The following PRH1 variants were observed in gnomAD, a reference collection of about 807,000 sequenced individuals.
PRH1 encodes the protein proline rich protein HaeIII subfamily 1, also known as salivary acidic proline-rich phosphoprotein 1/2.
Under a neutral mutation model 7.9 loss-of-function variants are expected in PRH1, and 7 were observed. The observed-to-expected ratio is 0.89, with a 90% CI of 0.50 to 1.67. The LOEUF is 1.67. Among genes scored for constraint, PRH1 ranks in the 40% most tolerant of loss-of-function variants. The pLI is 0.00. For missense variants in PRH1, 109 were observed against 223.6 expected (o/e 0.49, Z 3.27); for synonymous variants, 45 against 80.8 (o/e 0.56, Z 2.38).
intron 1 of PRH1, among the ~76,000 whole-genome samples, chr12:11,006,452 G>A (rs912877198): frequency 2.8e-5 from 4 of 145,120 alleles, no homozygotes; most frequent in South Asian, 2.1e-4. Flanking sequence ...ATACCTCGCC[G>A]TAGTCTTGAA....
chr12:11,078,016 T>C (rs1380691823), intron 1 of PRH1: 22 of 720,026 alleles, frequency 3.1e-5, no homozygotes, highest in Non-Finnish European at 4.7e-5. Context: ...TTCTGAACTA[T>C]ATAAAGCTGA....
intron 1 of PRH1, among the ~76,000 whole-genome samples, chr12:11,069,988 T>C (rs1277584101): frequency 6.6e-6 from 1 of 152,144 alleles, no homozygotes; most frequent in East Asian, 1.9e-4. Flanking sequence ...CACACATCCA[T>C]ACCATCTGAG....
chr12:11,001,204 C>T (rs1420418361), intron 1 of PRH1, among the ~76,000 whole-genome samples: 1 of 151,952 alleles, frequency 6.6e-6, no homozygotes, highest in Non-Finnish European at 1.5e-5. Flanking sequence ...GTCTTCACCA[C>T]AAACTCTCCC....
At chr12:11,006,036 T>C (rs1486109251) in intron 1 of PRH1, 1 of 152,120 alleles carries the variant, frequency 6.6e-6, no homozygotes, top group African/African-American at 2.4e-5. Context: ...TCTTGTTTTT[T>C]ACTTCTTTTT....
intron 1 of PRH1, chr12:10,985,941 G>T (rs756906704): frequency 6.3e-7 from 1 of 1,583,570 alleles, no homozygotes; most frequent in Non-Finnish European, 8.6e-7. Flanking sequence ...CTAGAGAGTT[G>T]AGAGTTTCAG....
At chr12:10,938,895 T>C in intron 2 of PRH1, 1 of 1,613,944 alleles carries the variant, frequency 6.2e-7, no homozygotes, top group Non-Finnish European at 8.5e-7. Flanking sequence ...AAATAAAAAG[T>C]ACCGAGGCCT....
rs146621314 is a variant in PRH1 at position 11,088,625 on chromosome 12, T to C, written n.124-41437A>G. 8.8e-5 allele frequency among the ~76,000 whole-genome samples: 10 copies of C among 113,250 alleles called. 2 individuals are homozygous for C. Among genetic ancestry groups the C allele is most frequent in the Admixed American group, 8.1e-4 (9 of 11,106 alleles). 74.3% of individuals were successfully genotyped at this position (113,250 alleles called of 152,430 possible). ...AGAGACCCAGTATTTTGGGGGCCTA[T>C]TGGGATTTTGGAGACAACATATTCC... On this transcript the variant is annotated intron_variant and non_coding_transcript_variant, in intron 1 of 4. Transcript: ENST00000541977.
intron 2 of PRH1, among the ~76,000 whole-genome samples, chr12:10,906,051 C>G (rs978646538): frequency 7.9e-5 from 12 of 152,144 alleles, no homozygotes; most frequent in African/African-American, 2.4e-4. Context: ...TAAAAATGAT[C>G]ATACTACTCC....
At chr12:11,049,859 T>A (rs1943071530), upstream of PRH1, among the ~76,000 whole-genome samples, 1 of 152,316 alleles carries the variant, frequency 6.6e-6, no homozygotes, top group South Asian at 2.1e-4. Context: ...TGGTTTCTGA[T>A]AACCAATACA....
chr12:11,031,508 A>T, intron 1 of PRH1: 1 of 737,238 alleles, frequency 1.4e-6, no homozygotes, highest in Non-Finnish European at 2.1e-6. Context: ...AGCAAGGTTT[A>T]TTGAGAAGAG....
chr12:10,957,790 G>T (rs1938047727), intron 2 of PRH1, among the ~76,000 whole-genome samples: 1 of 152,040 alleles, frequency 6.6e-6, no homozygotes, highest in African/African-American at 2.4e-5. Context: ...CATACACTCA[G>T]CCAACAAACA....
intron 1 of PRH1, among the ~76,000 whole-genome samples, chr12:11,015,425 T>C (rs1941245898): frequency 6.6e-6 from 1 of 152,170 alleles, no homozygotes; most frequent in South Asian, 2.1e-4. Flanking sequence ...AAACTTCCAT[T>C]GCTGCTCAGA....
chr12:10,931,291 T>C, intron 2 of PRH1: 1 of 1,031,246 alleles, frequency 9.7e-7, no homozygotes, highest in Non-Finnish European at 1.4e-6. Flanking sequence ...AATCACTATC[T>C]TCAAATTACC....
chr12:11,149,559 G>C (rs1170836695), intron 1 of PRH1, among the ~76,000 whole-genome samples: 1 of 149,350 alleles, frequency 6.7e-6, no homozygotes, highest in Non-Finnish European at 1.5e-5. Context: ...AGAAAAACAA[G>C]CAATGGGGAA....
At chr12:10,943,715 G>T (rs1301537272) in intron 2 of PRH1, among the ~76,000 whole-genome samples, 1 of 151,942 alleles carries the variant, frequency 6.6e-6, no homozygotes, top group Non-Finnish European at 1.5e-5. Flanking sequence ...TTTACATTTA[G>T]GTCTTTAATC....
intron 1 of PRH1, among the ~76,000 whole-genome samples, chr12:11,140,692 T>C (rs1946677808): frequency 6.6e-6 from 1 of 152,196 alleles, no homozygotes; most frequent in African/African-American, 2.4e-5. Context: ...TGAATTCTCA[T>C]ATACTAGCAT....
At chr12:10,943,473 C>T (rs980954831) in intron 2 of PRH1, among the ~76,000 whole-genome samples, 30 of 152,108 alleles carry the variant, frequency 2.0e-4, no homozygotes. Context: ...GGATATAAGG[C>T]CTTTGTCAGA....
chr12:11,087,947 T>A (rs147231713), intron 1 of PRH1, among the ~76,000 whole-genome samples: 3,020 of 109,946 alleles, frequency 0.027, 898 homozygotes, highest in South Asian at 0.041. Context: ...CCTCGTTTTA[T>A]AATAATAATA....
At chr12:10,881,958 T>C (rs1949407836) in intron 3 of PRH1, among the ~76,000 whole-genome samples, 1 of 152,208 alleles carries the variant, frequency 6.6e-6, no homozygotes, top group African/African-American at 2.4e-5. Flanking sequence ...CATGGTTCTA[T>C]GTCCTCATTG....
Sources: gnomAD v4.1 joint callset for allele counts (sites outside exome capture counted in the v4.1 genomes callset) on GRCh38, gnomAD v4.1.1 for gene constraint, MANE v1.5 for transcripts, NCBI Gene and HGNC (gene_info 2026-07-23, HGNC 2026-07-21) for gene names.